The following PLXDC2 variants were observed in gnomAD, a reference collection of about 807,000 sequenced individuals.
The protein encoded by PLXDC2 is plexin domain containing 2, also known as plexin domain-containing protein 2.
PLXDC2 carries 40 observed loss-of-function variants against 68.9 expected under a neutral mutation model. The ratio of observed to expected loss-of-function variants is 0.58; its 90% CI spans 0.45 to 0.76. PLXDC2 has a LOEUF of 0.76. Ranked by LOEUF, PLXDC2 falls within the 30% of genes least tolerant of loss-of-function variation. The pLI, the probability that PLXDC2 is intolerant of heterozygous loss-of-function variation, is 0.00. For missense variants in PLXDC2, 644 were observed against 661.9 expected (o/e 0.97, Z 0.30); for synonymous variants, 243 against 234.2 (o/e 1.04, Z -0.34).
At chr10:20,150,717 A>G (rs1169157322) in intron 6 of PLXDC2, among the ~76,000 whole-genome samples, 1 of 152,250 alleles carries the variant, frequency 6.6e-6, no homozygotes, top group Non-Finnish European at 1.5e-5. Context: ...TTGTCAAAAC[A>G]GAAATTTGTG....
At chr10:20,014,136 A>G (rs1228396096) in intron 2 of PLXDC2, among the ~76,000 whole-genome samples, 1 of 152,194 alleles carries the variant, frequency 6.6e-6, no homozygotes, top group Non-Finnish European at 1.5e-5. Context: ...CATGTGCATA[A>G]GGAAATAACA....
At chr10:20,069,574 GA>G (rs1290606660) in intron 4 of PLXDC2, among the ~76,000 whole-genome samples, 8 of 152,178 alleles carry the variant, frequency 5.3e-5, no homozygotes, top group African/African-American at 1.9e-4. Context: ...AGGACCACTT[GA>G]GGCCAGGAGT....
chr10:20,111,409 G>T (rs768834337), intron 4 of PLXDC2, among the ~76,000 whole-genome samples: 1 of 152,024 alleles, frequency 6.6e-6, no homozygotes, highest in Non-Finnish European at 1.5e-5. Flanking sequence ...TTACAGATAA[G>T]GACACTTTTT....
chr10:19,950,062 C>T lies in PLXDC2; in HGVS notation c.113-51713C>T, dbSNP rs182666548. 3.5e-3 allele frequency among the ~76,000 whole-genome samples: 538 copies of T among 152,184 alleles called. 3 individuals are homozygous for T. The highest frequency in any genetic ancestry group is 5.7e-3 in the Non-Finnish European group (388 of 67,988). On this transcript the variant is annotated intron_variant, in intron 1 of 13. Transcript: ENST00000377252. The stretch of plus-strand genomic sequence containing the variant: ...TGACAAATCCACACCTAATATCATA[C>T]TGAATGGGAAAAAGCTGGAAGCATT...
intron 1 of PLXDC2, among the ~76,000 whole-genome samples, chr10:19,965,727 G>GGC (rs1564641569): frequency 6.8e-6 from 1 of 147,136 alleles, no homozygotes; most frequent in African/African-American, 2.5e-5. Flanking sequence ...TTGGGGGGGG[G>GGC]GGTTACATAA....
intron 2 of PLXDC2, among the ~76,000 whole-genome samples, chr10:20,034,686 G>A (rs1446959472): frequency 6.6e-6 from 1 of 152,134 alleles, no homozygotes; most frequent in African/African-American, 2.4e-5. Flanking sequence ...TGTTGCCATG[G>A]TTTATAATCA....
At chr10:19,840,348 CT>C (rs1836880137) in intron 1 of PLXDC2, among the ~76,000 whole-genome samples, 1 of 152,100 alleles carries the variant, frequency 6.6e-6, no homozygotes, top group Non-Finnish European at 1.5e-5. Flanking sequence ...GATTACAAAA[CT>C]TTCCTAGATG....
intron 1 of PLXDC2, among the ~76,000 whole-genome samples, chr10:19,860,952 C>T (rs1837308776): frequency 6.6e-6 from 1 of 151,686 alleles, no homozygotes; most frequent in Non-Finnish European, 1.5e-5. Context: ...TTTGTCCCAT[C>T]TTCCTAGCCC....
At chr10:19,848,483 G>A (rs1432517595) in intron 1 of PLXDC2, among the ~76,000 whole-genome samples, 3 of 152,154 alleles carry the variant, frequency 2.0e-5, no homozygotes, top group African/African-American at 7.2e-5. Flanking sequence ...GAGGGTTCTT[G>A]AATCTTAAGG....
At chr10:19,887,328 C>A (rs1436155108) in intron 1 of PLXDC2, among the ~76,000 whole-genome samples, 1 of 152,144 alleles carries the variant, frequency 6.6e-6, no homozygotes, top group African/African-American at 2.4e-5. Flanking sequence ...CGAGACCATC[C>A]TGGCCAATAT....
At position 19,895,958 on chromosome 10, in the gene PLXDC2, A is replaced by T. The variant is rs950967318; in HGVS notation, c.112+78767A>T. 2.0e-5 allele frequency among the ~76,000 whole-genome samples: 3 copies of T among 152,108 alleles called. No homozygotes were observed. The East Asian group carries it at 5.8e-4, about 29-fold the overall frequency. ...AAAAGGAAAAGTAGGTCTGAGAAGGAAGCCCACTTTGGAATCATGGTACCA... is the reference window on the plus strand; with the variant it reads ...AAAAGGAAAAGTAGGTCTGAGAAGGTAGCCCACTTTGGAATCATGGTACCA... On this transcript the variant is annotated intron_variant, in intron 1 of 13. Transcript: ENST00000377252.
intron 12 of PLXDC2, among the ~76,000 whole-genome samples, chr10:20,242,672 C>A (rs948228826): frequency 6.6e-6 from 1 of 152,072 alleles, no homozygotes; most frequent in Non-Finnish European, 1.5e-5. Context: ...GACCTAAGAC[C>A]CAGCCCAAAG....
At chr10:20,149,692 TTAG>T (rs1481487881) in intron 6 of PLXDC2, among the ~76,000 whole-genome samples, 1 of 152,146 alleles carries the variant, frequency 6.6e-6, no homozygotes, top group East Asian at 1.9e-4. Context: ...CATTCCTGCA[TTAG>T]TTTGCTAAGG....
At chr10:19,851,763 G>A (rs747858235) in intron 1 of PLXDC2, among the ~76,000 whole-genome samples, 1 of 152,058 alleles carries the variant, frequency 6.6e-6, no homozygotes, top group Non-Finnish European at 1.5e-5. Flanking sequence ...GGCCAGGCTG[G>A]TCACAAACTC....
chr10:19,846,975 C>T (rs921918625), intron 1 of PLXDC2, among the ~76,000 whole-genome samples: 3 of 152,072 alleles, frequency 2.0e-5, no homozygotes, highest in Non-Finnish European at 4.4e-5. Context: ...GTGGAGTTCC[C>T]TTAATAAAAC....
intron 1 of PLXDC2, among the ~76,000 whole-genome samples, chr10:19,894,243 CAAACAA>C (rs1344501623): frequency 6.6e-6 from 1 of 150,646 alleles, no homozygotes; most frequent in Non-Finnish European, 1.5e-5. Flanking sequence ...CAAAACAAAA[CAAACAA>C]AAACAAAAAC....
chr10:20,125,533 G>A (rs781593141), intron 4 of PLXDC2, among the ~76,000 whole-genome samples: 2 of 152,100 alleles, frequency 1.3e-5, no homozygotes, highest in Non-Finnish European at 2.9e-5. Flanking sequence ...CTCTGAGATT[G>A]CAAAAGGGCA....
chr10:19,899,841 T>G (rs1838128520), intron 1 of PLXDC2, among the ~76,000 whole-genome samples: 3 of 152,324 alleles, frequency 2.0e-5, no homozygotes, highest in Admixed American at 2.0e-4. Context: ...TTGAGTATTT[T>G]TTATTAATCT....
At chr10:19,875,621 T>A (rs1837617415) in intron 1 of PLXDC2, among the ~76,000 whole-genome samples, 1 of 152,220 alleles carries the variant, frequency 6.6e-6, no homozygotes, top group Admixed American at 6.5e-5. Flanking sequence ...TAGTCAATGT[T>A]CAATCTCTTC....
Sources: gnomAD v4.1 joint callset for allele counts (sites outside exome capture counted in the v4.1 genomes callset) on GRCh38, gnomAD v4.1.1 for gene constraint, MANE v1.5 for transcripts, NCBI Gene and HGNC (gene_info 2026-07-23, HGNC 2026-07-21) for gene names.